IL2RB: variants seen among roughly 807,000 people sequenced by gnomAD.
The protein encoded by IL2RB is interleukin 2 receptor subunit beta, also known as interleukin-2 receptor subunit beta.
Under a neutral mutation model 44.2 loss-of-function variants are expected in IL2RB, and 17 were observed. The ratio of observed to expected loss-of-function variants is 0.38; its 90% CI spans 0.26 to 0.58. IL2RB has a LOEUF of 0.58. IL2RB is among the 20% of genes least tolerant of loss of function. The pLI is 0.63. For synonymous variants in IL2RB, 286 were observed against 297.9 expected, an observed-to-expected ratio of 0.96 and a Z score of 0.41; for missense variants, 624 against 685.5, an observed-to-expected ratio of 0.91 and a Z score of 1.00.
chr22:37,166,676 A>G (rs1288165372), intron 1 of IL2RB: 3 of 152,162 alleles, frequency 2.0e-5, no homozygotes, highest in African/African-American at 7.2e-5. Flanking sequence ...GGGCACAATG[A>G]CAGGTGGGCC....
intron 1 of IL2RB, among the ~76,000 whole-genome samples, chr22:37,161,273 G>A (rs1922860094): frequency 6.6e-6 from 1 of 152,174 alleles, no homozygotes; most frequent in Non-Finnish European, 1.5e-5. Flanking sequence ...TCAGAGGGAG[G>A]AGTGCAGCTG....
In IL2RB at chr22:37,128,286, G is replaced by C; in HGVS notation, c.1466C>G (p.Pro489Arg). 1 of 1,502,424 alleles carries C rather than the reference G, an allele frequency of 6.7e-7. No homozygotes were observed. The highest frequency in any genetic ancestry group is 8.9e-7 in the Non-Finnish European group (1 of 1,126,528). The allele number at this position is 1,502,424 out of a possible 1,614,324, so 93.1% of individuals were successfully genotyped here. A position where few individuals can be genotyped will look rare whatever the true frequency, so the allele number is the denominator to read the frequency against. The change falls in exon 10 of 10, where the codon CCT becomes CGT. Residue 489 changes from proline to arginine, a missense_variant. Around this residue, in one of 3 missense-constraint regions of IL2RB, gnomAD observed 291 missense variants for 275.5 expected, o/e 1.06. Transcript: ENST00000216223. The surrounding 1 kb of genome is among the most constrained non-coding windows in gnomAD (Gnocchi z 4.5). ...VPDLVDFQPP[P>R]ELVLREAGEE... ...CCCAGCCTCTCGCAGCACCAGCTCA[G>C]GGGGTGGCTGAAAATCCACCAGGTC... is the stretch of plus-strand genomic sequence containing the variant.
In IL2RB at chr22:37,127,065, T is replaced by C. The variant is rs148887561; in HGVS notation, c.*1031A>G. ...AGGGGGCAGTGGGAGGTCCCAGGCC[T>C]GGCAGCATCAGGGCCCACCACTAGG... is the stretch of plus-strand genomic sequence containing the variant. On this transcript the variant is annotated 3_prime_UTR_variant, in exon 10 of 10. Transcript: ENST00000216223. 1 of 152,240 alleles carries C rather than the reference T, an allele frequency of 6.6e-6. No individual in the cohort carries two copies. The highest frequency in any genetic ancestry group is 2.4e-5 in the African/African-American group (1 of 41,538). 9.4% of individuals were successfully genotyped at this position (152,240 alleles called of 1,614,324 possible).
At position 37,144,149 on chromosome 22, in the gene IL2RB, C is replaced by G. The variant is rs1351067152; in HGVS notation, c.24G>C (p.Trp8Cys). Reference sequence around the variant, plus strand: ...GGAGGAGGATGAGGAGGGGCAGACGCCAGGACAGAGCAGGGGCCGCCATTA... The same window carrying G: ...GGAGGAGGATGAGGAGGGGCAGACGGCAGGACAGAGCAGGGGCCGCCATTA... MAAPALS[W>C]RLPLLILLLP... The change falls in exon 2 of 10, where the codon TGG becomes TGC. Residue 8 changes from tryptophan (W) to cysteine (C), a missense_variant. Trp to Cys is a radical substitution (Grantham distance 215). This residue lies in a region of IL2RB where 78 missense variants were observed against 70.0 expected (regional missense o/e 1.11). Transcript: ENST00000216223. The G allele has an allele frequency of 1.3e-6, 2 of 1,551,756 alleles. No individual in the cohort carries two copies.
chr22:37,128,447 G>A lies in IL2RB; in HGVS notation c.1305C>T (p.Leu435=), dbSNP rs768964296. 1.9e-5 allele frequency: 29 copies of A among 1,554,754 alleles called. No individual in the cohort carries two copies. The highest frequency in any genetic ancestry group is 3.5e-4 in the Middle Eastern group (2 of 5,788). ...CAGTGCTTGGGGGGCTGGGGCCACCGAGGAGACTGGGGGAGAAGAGCAGCA... is the reference window on the plus strand; with the variant it reads ...CAGTGCTTGGGGGGCTGGGGCCACCAAGGAGACTGGGGGAGAAGAGCAGCA... ...DDLLLFSPSL[L]GGPSPPSTAP... Residue 435 remains leucine, a synonymous_variant, in exon 10 of 10, where the codon CTC becomes CTT. Transcript: ENST00000216223. This position sits in a 1 kb window ranked among gnomAD's most constrained non-coding sequence, Gnocchi z 4.5.
At position 37,128,205 on chromosome 22, in the gene IL2RB, G is replaced by A. The variant is rs200831371; in HGVS notation, c.1547C>T (p.Pro516Leu). 54 of 1,520,190 alleles carry A rather than the reference G, an allele frequency of 3.6e-5. No individual in the cohort carries two copies. In the African/African-American group the frequency reaches 4.6e-4, roughly 13 times the overall value. 94.2% of individuals were successfully genotyped at this position (1,520,190 alleles called of 1,614,324 possible). ...REGVSFPWSRPPGQGEFRALN... is the reference protein window; with the variant it reads ...REGVSFPWSRLPGQGEFRALN... ...GGCCCTGAACTCCCCCTGCCCAGGAGGCCTGGACCAGGGGAAACTGACTCC... is the reference window on the plus strand; with the variant it reads ...GGCCCTGAACTCCCCCTGCCCAGGAAGCCTGGACCAGGGGAAACTGACTCC... The change falls in exon 10 of 10, where the codon CCT becomes CTT. Residue 516 changes from proline (P) to leucine (L), a missense_variant. By Grantham distance (98) the Pro-to-Leu change is moderately conservative. Transcript: ENST00000216223. The surrounding 1 kb of genome is among the most constrained non-coding windows in gnomAD (Gnocchi z 4.5).
At chr22:37,169,333 T>TGTTTACAC (rs1923194676) in intron 1 of IL2RB, among the ~76,000 whole-genome samples, 1 of 151,580 alleles carries the variant, frequency 6.6e-6, no homozygotes, top group African/African-American at 2.4e-5. Context: ...GAGGGGTTCT[T>TGTTTACAC]GTTTACAGAG....
intron 1 of IL2RB, among the ~76,000 whole-genome samples, chr22:37,168,495 T>C (rs1923153878): frequency 6.6e-6 from 1 of 152,246 alleles, no homozygotes; most frequent in Admixed American, 6.5e-5. Flanking sequence ...ACTTCCTAGC[T>C]GTGTGATCTT....
intron 1 of IL2RB, among the ~76,000 whole-genome samples, chr22:37,162,377 T>A (rs1272160908): frequency 2.0e-5 from 3 of 152,064 alleles, no homozygotes; most frequent in Non-Finnish European, 4.4e-5. Context: ...GACCCAAACA[T>A]GGGGGAGAGC....
At chr22:37,159,806 T>C (rs1922797969) in intron 1 of IL2RB, among the ~76,000 whole-genome samples, 1 of 152,202 alleles carries the variant, frequency 6.6e-6, no homozygotes, top group Non-Finnish European at 1.5e-5. Context: ...CAAGGATTCA[T>C]GGAGAAGGAC....
chr22:37,138,345 T>C (rs1190704907), intron 5 of IL2RB, among the ~76,000 whole-genome samples: 1 of 152,174 alleles, frequency 6.6e-6, no homozygotes, highest in East Asian at 1.9e-4. Context: ...TATGTCTCAG[T>C]TCAAAGATGC....
At chr22:37,134,777 C>T (rs991747609) in intron 8 of IL2RB, among the ~76,000 whole-genome samples, 1 of 152,140 alleles carries the variant, frequency 6.6e-6, no homozygotes, top group Non-Finnish European at 1.5e-5. Context: ...CATTACACAC[C>T]TGCATGATTG....
At chr22:37,173,342 A>G (rs1482034972) in intron 1 of IL2RB, among the ~76,000 whole-genome samples, 2 of 152,152 alleles carry the variant, frequency 1.3e-5, no homozygotes, top group African/African-American at 2.4e-5. Context: ...GGCAGGGACC[A>G]TGTGGGGTTT....
intron 1 of IL2RB, among the ~76,000 whole-genome samples, chr22:37,167,492 C>T (rs1923125241): frequency 6.6e-6 from 1 of 152,270 alleles, no homozygotes; most frequent in South Asian, 2.1e-4. Context: ...AAGCCCAGGC[C>T]TGCGGCCTCT....
intron 1 of IL2RB, among the ~76,000 whole-genome samples, chr22:37,166,568 C>T (rs1923087068): frequency 6.6e-6 from 1 of 152,218 alleles, no homozygotes; most frequent in African/African-American, 2.4e-5. Flanking sequence ...ACCTTCTCCC[C>T]CATCTGGACT....
At chr22:37,140,674 A>T (rs1207195858) in intron 4 of IL2RB, among the ~76,000 whole-genome samples, 4 of 100,084 alleles carry the variant, frequency 4.0e-5, no homozygotes, top group African/African-American at 2.9e-4. Context: ...AAGAAGACAT[A>T]TAACCTGATG....
chr22:37,172,248 T>A (rs1923315022), intron 1 of IL2RB, among the ~76,000 whole-genome samples: 1 of 147,318 alleles, frequency 6.8e-6, no homozygotes, highest in African/African-American at 2.5e-5. Flanking sequence ...ATGTTGGGGA[T>A]GGAGGCAAGG....
chr22:37,134,888 C>T (rs1485929130), intron 8 of IL2RB, among the ~76,000 whole-genome samples: 1 of 152,220 alleles, frequency 6.6e-6, no homozygotes, highest in Non-Finnish European at 1.5e-5. Context: ...TGGCATGCAG[C>T]TCGTACTCAG....
Position 37,136,290 on chromosome 22 carries a change from TGCAGAG to T in IL2RB, c.635_640del (p.Pro212_Leu213del). 6.2e-7 allele frequency: 1 copy of T among 1,613,036 alleles called. No individual in the cohort carries two copies. Among genetic ancestry groups the T allele is most frequent in the Non-Finnish European group, 8.5e-7 (1 of 1,179,726 alleles). The stretch of plus-strand genomic sequence containing the variant: ...GGGGCTCCAGGTCGTGAACTCGCCT[TGCAGAG>T]GCTTGACCCGCACCTGAAACTCATA... On this transcript the variant is annotated inframe_deletion, in exon 7 of 10. Coordinates refer to ENST00000216223, the MANE Select transcript of IL2RB (RefSeq NM_000878.5).
Sources: allele counts gnomAD v4.1 joint callset (sites outside exome capture counted in the v4.1 genomes callset), GRCh38; gene constraint gnomAD v4.1.1; regional missense constraint gnomAD v4.1.1; non-coding constraint Gnocchi (gnomAD v3.1); transcripts MANE v1.5; gene names NCBI Gene and HGNC (gene_info 2026-07-23, HGNC 2026-07-21).